Variants in USP53 observed in about 807,000 individuals in gnomAD.
USP53 encodes ubiquitin specific peptidase 53.
USP53 carries 71 observed loss-of-function variants against 94.9 expected under a neutral mutation model. The ratio of observed to expected loss-of-function variants is 0.75; its 90% CI spans 0.62 to 0.91. The LOEUF (loss-of-function observed/expected upper bound fraction) is 0.91, where lower values mean the gene tolerates loss of function less well. Among genes scored for constraint, USP53 ranks in the 40% least tolerant of loss-of-function variants. The pLI is 0.00. For missense variants in USP53, 1,173 were observed against 1,281.0 expected (o/e 0.92, Z 1.29); for synonymous variants, 375 against 422.7 (o/e 0.89, Z 1.39).
chr4:119,259,563 C>T (rs555148708), intron 9 of USP53, among the ~76,000 whole-genome samples: 2 of 152,118 alleles, frequency 1.3e-5, no homozygotes, highest in Non-Finnish European at 2.9e-5. Context: ...AGCATGTTAG[C>T]CTCATTTATC....
At chr4:119,274,075 TTTA>T (rs1329484558) in intron 17 of USP53, among the ~76,000 whole-genome samples, 24 of 149,894 alleles carry the variant, frequency 1.6e-4, no homozygotes, top group South Asian at 4.2e-4. Flanking sequence ...GTTTTATTTT[TTTA>T]TTATTATTTT....
chr4:119,259,457 TTTG>T (rs1332585574), intron 9 of USP53, among the ~76,000 whole-genome samples: 1 of 152,082 alleles, frequency 6.6e-6, no homozygotes, highest in African/African-American at 2.4e-5. Context: ...TTTCCTACAG[TTTG>T]TTGTTCTTGT....
intron 6 of USP53, among the ~76,000 whole-genome samples, chr4:119,246,578 G>A (rs1748269055): frequency 6.6e-6 from 1 of 152,194 alleles, no homozygotes; most frequent in South Asian, 2.1e-4. Flanking sequence ...TTTTGGGGGT[G>A]GTTTATTTAC....
chr4:119,237,688 T>C (rs1209566315), intron 4 of USP53, among the ~76,000 whole-genome samples: 1 of 152,220 alleles, frequency 6.6e-6, no homozygotes, highest in Non-Finnish European at 1.5e-5. Flanking sequence ...AACTGTTTCT[T>C]CCACAGATGA....
At chr4:119,213,670 G>GTGTA (rs1277198713) in intron 1 of USP53, among the ~76,000 whole-genome samples, 22 of 120,454 alleles carry the variant, frequency 1.8e-4, no homozygotes, top group South Asian at 5.4e-4. Context: ...ATGTGTGTGT[G>GTGTA]TGTATGTATG....
At chr4:119,274,519 C>T (rs998169503) in intron 17 of USP53, among the ~76,000 whole-genome samples, 4 of 151,938 alleles carry the variant, frequency 2.6e-5, no homozygotes, top group African/African-American at 9.7e-5. Context: ...GGGTTGGTTC[C>T]AAGTCTTTGC....
chr4:119,240,763 TCAGTTGCCTTCTAC>T (rs1469401402), intron 5 of USP53, among the ~76,000 whole-genome samples: 3 of 152,190 alleles, frequency 2.0e-5, no homozygotes, highest in Non-Finnish European at 4.4e-5. Flanking sequence ...AGCTGTATTC[TCAGTTGCCTTCTAC>T]CTGAGACAGA....
In USP53 at chr4:119,268,280, C is replaced by T. The variant is rs1472268885; in HGVS notation, c.1148C>T (p.Pro383Leu). ...TTCTCTTTTTAAGGATGTGAAAAGC[C>T]TGTAATTCATAAGTCAGATAATTTA... ...SVAENMGCEK[P>L]VIHKSDNLKE... The change falls in exon 14 of 19, where the codon CCT becomes CTT. Residue 383 changes from proline to leucine, a missense_variant. By Grantham distance (98) the Pro-to-Leu change is moderately conservative (BLOSUM62 -3). Transcript: ENST00000692078. 1.9e-6 allele frequency: 3 copies of T among 1,611,348 alleles called. No individual in the cohort carries two copies. The highest frequency in any genetic ancestry group is 2.2e-5 in the South Asian group (2 of 90,878).
chr4:119,224,262 T>C (rs892955239), intron 3 of USP53, among the ~76,000 whole-genome samples: 3 of 152,022 alleles, frequency 2.0e-5, no homozygotes, highest in Non-Finnish European at 4.4e-5. Context: ...CCTCCCAAAG[T>C]GTTGGGATTA....
At chr4:119,253,555 G>A (rs1201658826) in intron 7 of USP53, among the ~76,000 whole-genome samples, 1 of 150,062 alleles carries the variant, frequency 6.7e-6, no homozygotes, top group East Asian at 1.9e-4. Context: ...CTTTTTTTTT[G>A]CTTTCCATTT....
intron 7 of USP53, among the ~76,000 whole-genome samples, chr4:119,252,046 T>G (rs1156738466): frequency 6.6e-6 from 1 of 152,156 alleles, no homozygotes; most frequent in Non-Finnish European, 1.5e-5. Context: ...TATTGATTTG[T>G]GTATGTTGAA....
At chr4:119,266,393 A>C (rs1751132458) in intron 12 of USP53, 1 of 454,996 alleles carries the variant, frequency 2.2e-6, no homozygotes, top group African/African-American at 2.0e-5. Flanking sequence ...TGGTTATACC[A>C]ATTTGCATTT....
At position 119,292,802 on chromosome 4, in the gene USP53, A is replaced by T. The variant is rs1754910867; in HGVS notation, c.2813A>T (p.Glu938Val). Residue 938 changes from glutamate (E) to valine (V), a missense_variant, in exon 19 of 19, where the codon GAG becomes GTG. Coordinates refer to ENST00000692078, the MANE Select transcript of USP53 (RefSeq NM_001371395.1). ...KYAITSVPQS[E>V]KSESTPDVKL... The stretch of plus-strand genomic sequence containing the variant: ...GCTATAACCAGTGTGCCACAGTCAG[A>T]GAAAAGCGAATCTACACCTGATGTC... 1 of 1,612,332 alleles carries T rather than the reference A, an allele frequency of 6.2e-7. No homozygotes were observed. Among genetic ancestry groups the T allele is most frequent in the South Asian group, 1.1e-5 (1 of 91,008 alleles).
At chr4:119,257,626 C>A (rs1749951153) in intron 9 of USP53, among the ~76,000 whole-genome samples, 1 of 152,092 alleles carries the variant, frequency 6.6e-6, no homozygotes, top group African/African-American at 2.4e-5. Flanking sequence ...CATGTTTATT[C>A]ATTTCATATT....
chr4:119,268,132 A>G, intron 13 of USP53, 136 bp from the exon 14 acceptor site: 3 of 774,928 alleles, frequency 3.9e-6, no homozygotes, highest in Non-Finnish European at 5.7e-6. Flanking sequence ...GCGCCACTGC[A>G]GTCCGCAGTC....
At chr4:119,252,843 T>C (rs956308876) in intron 7 of USP53, among the ~76,000 whole-genome samples, 1 of 152,214 alleles carries the variant, frequency 6.6e-6, no homozygotes, top group Non-Finnish European at 1.5e-5. Context: ...CAATTTTAGG[T>C]ATCTCCTGCT....
intron 6 of USP53, among the ~76,000 whole-genome samples, chr4:119,245,755 A>G (rs944946960): frequency 8.5e-5 from 13 of 152,234 alleles, no homozygotes; most frequent in Non-Finnish European, 1.9e-4. Context: ...TACTGAGGAT[A>G]CAGCAGTGAA....
intron 11 of USP53, 124 bp from the exon 12 acceptor site, chr4:119,261,591 T>C (rs1447527861): frequency 2.2e-5 from 14 of 638,992 alleles, no homozygotes; most frequent in Non-Finnish European, 3.1e-5. Flanking sequence ...AATAATATAA[T>C]ATTAGATTGG....
intron 3 of USP53, among the ~76,000 whole-genome samples, chr4:119,227,327 A>G (rs910114977): frequency 5.4e-5 from 8 of 148,114 alleles, no homozygotes; most frequent in Non-Finnish European, 7.5e-5. Context: ...AGAGCTAACC[A>G]TAAGAGCCAA....
Sources: allele counts gnomAD v4.1 joint callset (sites outside exome capture counted in the v4.1 genomes callset), GRCh38; gene constraint gnomAD v4.1.1; transcripts MANE v1.5; gene names NCBI Gene and HGNC (gene_info 2026-07-23, HGNC 2026-07-21).